Variants in ADAMTS6 observed in about 807,000 individuals in gnomAD.
The protein encoded by ADAMTS6 is A disintegrin and metalloproteinase with thrombospondin motifs 6.
Under a neutral mutation model 144.3 loss-of-function variants are expected in ADAMTS6, and 23 were observed. That is an observed-to-expected ratio of 0.16 (90% CI 0.11 to 0.23). ADAMTS6 has a LOEUF of 0.23. Ranked by LOEUF, ADAMTS6 falls within the 10% of genes least tolerant of loss-of-function variation. The pLI is 1.00. For synonymous variants in ADAMTS6, 444 were observed against 457.5 expected (o/e 0.97, Z 0.38); for missense variants, 999 against 1,379.6 (o/e 0.72, Z 4.37).
chr5:65,228,577 A>G (rs1757898718), intron 15 of ADAMTS6, among the ~76,000 whole-genome samples: 1 of 151,998 alleles, frequency 6.6e-6, no homozygotes, highest in Non-Finnish European at 1.5e-5. Context: ...AAGTTCCAGC[A>G]TGCCATTGGA....
chr5:65,439,527 TA>T (rs2150229975), intron 7 of ADAMTS6, among the ~76,000 whole-genome samples: 1 of 152,138 alleles, frequency 6.6e-6, no homozygotes, highest in East Asian at 1.9e-4. Context: ...TCTCATAAAA[TA>T]AAAAATTGCT....
chr5:65,275,770 G>C (rs1038874019), intron 11 of ADAMTS6, among the ~76,000 whole-genome samples: 2 of 151,832 alleles, frequency 1.3e-5, no homozygotes, highest in African/African-American at 2.4e-5. Flanking sequence ...TATTTAAAAA[G>C]CAGTAAGAGT....
At chr5:65,430,266 T>C (rs1000127781) in intron 7 of ADAMTS6, among the ~76,000 whole-genome samples, 2 of 151,696 alleles carry the variant, frequency 1.3e-5, no homozygotes, top group Admixed American at 6.6e-5. Context: ...ACAAAAGACT[T>C]GGTACCCCTA....
At chr5:65,306,445 A>C (rs550931505) in intron 9 of ADAMTS6, among the ~76,000 whole-genome samples, 1 of 152,328 alleles carries the variant, frequency 6.6e-6, no homozygotes, top group South Asian at 2.1e-4. Flanking sequence ...GCTTTTGCAC[A>C]ATCAGTGCAA....
At chr5:65,240,741 C>A (rs1009817855) in intron 15 of ADAMTS6, among the ~76,000 whole-genome samples, 1 of 151,958 alleles carries the variant, frequency 6.6e-6, no homozygotes, top group African/African-American at 2.4e-5. Flanking sequence ...CCCCCAGTAC[C>A]GAGAAATAAA....
At chr5:65,314,858 G>T (rs1427381270) in intron 9 of ADAMTS6, among the ~76,000 whole-genome samples, 1 of 151,968 alleles carries the variant, frequency 6.6e-6, no homozygotes, top group Non-Finnish European at 1.5e-5. Flanking sequence ...TCAGGAAAAG[G>T]GAAAATGACA....
intron 9 of ADAMTS6, among the ~76,000 whole-genome samples, chr5:65,316,554 G>C (rs999927597): frequency 6.6e-6 from 1 of 152,022 alleles, no homozygotes; most frequent in Admixed American, 6.6e-5. Context: ...TGTCAGACTG[G>C]ATTTAAAAAA....
chr5:65,332,285 G>A (rs1746806858), intron 8 of ADAMTS6, among the ~76,000 whole-genome samples: 1 of 110,750 alleles, frequency 9.0e-6, no homozygotes, highest in Non-Finnish European at 1.9e-5. Context: ...GAGACAGTGA[G>A]GGTATATATA....
intron 7 of ADAMTS6, among the ~76,000 whole-genome samples, chr5:65,422,666 A>G (rs917415508): frequency 1.3e-5 from 2 of 151,904 alleles, no homozygotes; most frequent in Middle Eastern, 3.4e-3. Context: ...AAAAAAAACA[A>G]GAAAAGGGAA....
intron 14 of ADAMTS6, among the ~76,000 whole-genome samples, chr5:65,257,956 C>A (rs1561340610): frequency 6.6e-6 from 1 of 152,120 alleles, no homozygotes; most frequent in Admixed American, 6.5e-5. Flanking sequence ...CAAGCATGGT[C>A]TAATATACAA....
At chr5:65,236,909 T>C (rs2112467838) in intron 15 of ADAMTS6, among the ~76,000 whole-genome samples, 1 of 151,886 alleles carries the variant, frequency 6.6e-6, no homozygotes, top group African/African-American at 2.4e-5. Flanking sequence ...AATTGATAAA[T>C]CCCAAACAAG....
At chr5:65,192,506 G>A (rs901490977) in intron 21 of ADAMTS6, among the ~76,000 whole-genome samples, 7 of 151,928 alleles carry the variant, frequency 4.6e-5, no homozygotes, top group African/African-American at 1.7e-4. Context: ...CTTCACATGA[G>A]GTCATATGCA....
intron 15 of ADAMTS6, among the ~76,000 whole-genome samples, chr5:65,231,019 A>G (rs1368431026): frequency 1.3e-5 from 2 of 150,920 alleles, no homozygotes; most frequent in African/African-American, 4.8e-5. Context: ...ACAAGATATA[A>G]CTAGTAAGTA....
intron 11 of ADAMTS6, among the ~76,000 whole-genome samples, chr5:65,279,101 G>A (rs1387060528): frequency 1.3e-5 from 2 of 151,812 alleles, no homozygotes; most frequent in East Asian, 1.9e-4. Context: ...ATGCCACCAC[G>A]CTCAGCTAGT....
At position 65,308,412 on chromosome 5, in the gene ADAMTS6, T is replaced by C. The variant is rs191000958; in HGVS notation, c.1224-8281A>G. Among the ~76,000 whole-genome samples, 538 of 152,366 alleles carry C rather than the reference T, an allele frequency of 3.5e-3. 3 individuals carry two copies. The highest frequency in any genetic ancestry group is 6.6e-3 in the Non-Finnish European group (447 of 68,032). ...TTCTGTTAGGTTTGATCGAAACCTT[T>C]AATCATTTAATTTCTGTAGGAAAAC... is the stretch of plus-strand genomic sequence containing the variant. On this transcript the variant is annotated intron_variant, in intron 9 of 24. Coordinates refer to ENST00000381055, the MANE Select transcript of ADAMTS6 (RefSeq NM_197941.4).
chr5:65,360,316 T>C (rs1749709114), intron 7 of ADAMTS6, among the ~76,000 whole-genome samples: 1 of 152,112 alleles, frequency 6.6e-6, no homozygotes, highest in African/African-American at 2.4e-5. Flanking sequence ...AGGAGAATTG[T>C]GTTAAACCAC....
rs377028674 is a variant in ADAMTS6 at position 65,368,719 on chromosome 5, GCCCTT to G, written c.1074-34639_1074-34635del. ...ATGTTATTGTGAAGCCACTACACCT[GCCCTT>G]GGACTGGCTACCTCCAAACTTCTTG... On this transcript the variant is annotated intron_variant, in intron 7 of 24. Coordinates refer to ENST00000381055, the MANE Select transcript of ADAMTS6 (RefSeq NM_197941.4). Among the ~76,000 whole-genome samples, 86 of 152,264 alleles carry G rather than the reference GCCCTT, an allele frequency of 5.6e-4. 1 individual carries two copies. The East Asian group carries it at 0.014, about 25-fold the overall frequency.
intron 15 of ADAMTS6, among the ~76,000 whole-genome samples, chr5:65,226,593 A>AT (rs1352983531): frequency 4.0e-5 from 6 of 150,084 alleles, no homozygotes; most frequent in Non-Finnish European, 4.5e-5. Context: ...AAGAAAAACA[A>AT]TTTTTTTTTT....
chr5:65,219,571 T>C (rs1008848032), intron 18 of ADAMTS6, among the ~76,000 whole-genome samples: 2 of 152,144 alleles, frequency 1.3e-5, no homozygotes. Flanking sequence ...AAACAGACTT[T>C]GCATCAAAGA....
Sources: allele counts gnomAD v4.1 joint callset (sites outside exome capture counted in the v4.1 genomes callset), GRCh38; gene constraint gnomAD v4.1.1; transcripts MANE v1.5; gene names NCBI Gene and HGNC (gene_info 2026-07-23, HGNC 2026-07-21).